Variants in KCNH7 observed in about 807,000 individuals in gnomAD.
The protein encoded by KCNH7 is potassium voltage-gated channel subfamily H member 7.
Under a neutral mutation model 120.8 loss-of-function variants are expected in KCNH7, and 49 were observed. The ratio of observed to expected loss-of-function variants is 0.41; its 90% CI spans 0.32 to 0.51. The LOEUF is 0.51. Among genes scored for constraint, KCNH7 ranks in the 20% least tolerant of loss-of-function variants. The pLI is 0.38. For synonymous variants in KCNH7, 547 were observed against 516.1 expected, an observed-to-expected ratio of 1.06 and a Z score of -0.81; for missense variants, 1,097 against 1,446.6, an observed-to-expected ratio of 0.76 and a Z score of 3.92.
intron 6 of KCNH7, among the ~76,000 whole-genome samples, chr2:162,481,100 A>T (rs1343186755): frequency 6.6e-6 from 1 of 152,018 alleles, no homozygotes; most frequent in African/African-American, 2.4e-5. Context: ...CTGCTCACAG[A>T]TTGCCCCATT....
intron 2 of KCNH7, among the ~76,000 whole-genome samples, chr2:162,711,550 A>C (rs1686930080): frequency 6.6e-6 from 1 of 152,226 alleles, no homozygotes; most frequent in South Asian, 2.1e-4. Context: ...AAGGAAATTT[A>C]GTTCTTATTT....
intron 4 of KCNH7, among the ~76,000 whole-genome samples, chr2:162,515,618 A>C (rs1356728504): frequency 6.6e-6 from 1 of 151,788 alleles, no homozygotes; most frequent in Non-Finnish European, 1.5e-5. Flanking sequence ...TATGCTGGTC[A>C]TTTGAATTAC....
At chr2:162,651,774 G>T (rs569595904) in intron 2 of KCNH7, among the ~76,000 whole-genome samples, 193 of 152,212 alleles carry the variant, frequency 1.3e-3, no homozygotes, top group Non-Finnish European at 3.5e-4. Flanking sequence ...TTGAGGAATT[G>T]TCATACTGCT....
Position 162,777,528 on chromosome 2 carries a change from A to G in KCNH7, c.307+59009T>C, listed in dbSNP as rs566234633. 1.2e-4 allele frequency among the ~76,000 whole-genome samples: 19 copies of G among 152,264 alleles called. 1 individual carries two copies. In the South Asian group the frequency reaches 3.9e-3, roughly 32 times the overall value. On this transcript the variant is annotated intron_variant, in intron 2 of 15. Coordinates refer to ENST00000332142, the MANE Select transcript of KCNH7 (RefSeq NM_033272.4). ...CTACTTATGGTAGTAAAAGTGTAAGAGTAAATATTGAAGTTGAGGAGACGA... is the reference window on the plus strand; with the variant it reads ...CTACTTATGGTAGTAAAAGTGTAAGGGTAAATATTGAAGTTGAGGAGACGA...
intron 2 of KCNH7, among the ~76,000 whole-genome samples, chr2:162,728,931 T>C (rs2105387515): frequency 6.6e-6 from 1 of 152,310 alleles, no homozygotes; most frequent in East Asian, 1.9e-4. Flanking sequence ...TAGTTTTACC[T>C]GTCATACTTA....
Position 162,427,148 on chromosome 2 carries a change from A to G in KCNH7, c.1955-3613T>C, listed in dbSNP as rs367967533. On this transcript the variant is annotated intron_variant, in intron 8 of 15. Transcript: ENST00000332142. ...TGTTGATGGAAACCTTGCTGTTTCTAGTTTTTGGCTATTATGAATAAAACT... is the reference window on the plus strand; with the variant it reads ...TGTTGATGGAAACCTTGCTGTTTCTGGTTTTTGGCTATTATGAATAAAACT... Among the ~76,000 whole-genome samples the G allele has an allele frequency of 7.2e-5, 11 of 151,954 alleles. No individual in the cohort carries two copies. The South Asian group carries it at 1.9e-3, about 26-fold the overall frequency.
intron 2 of KCNH7, among the ~76,000 whole-genome samples, chr2:162,742,050 G>C (rs1688156422): frequency 6.6e-6 from 1 of 152,178 alleles, no homozygotes; most frequent in African/African-American, 2.4e-5. Context: ...TTTAAGAGCA[G>C]GAGATGATTT....
intron 2 of KCNH7, among the ~76,000 whole-genome samples, chr2:162,753,132 A>G (rs1162151354): frequency 6.6e-6 from 1 of 151,630 alleles, no homozygotes; most frequent in Non-Finnish European, 1.5e-5. Flanking sequence ...AAATTTTAAA[A>G]TTGCTTATAA....
At chr2:162,695,224 C>T (rs563940317) in intron 2 of KCNH7, among the ~76,000 whole-genome samples, 8 of 152,222 alleles carry the variant, frequency 5.3e-5, no homozygotes, top group African/African-American at 1.9e-4. Context: ...GGAAACGTAT[C>T]GGTTGGGTTA....
chr2:162,528,099 C>T (rs928791698), intron 3 of KCNH7: 5 of 151,754 alleles, frequency 3.3e-5, no homozygotes, highest in African/African-American at 1.2e-4. Context: ...TGAGTAATGC[C>T]CATTCAGTAG....
At chr2:162,590,285 G>A (rs564532317) in intron 2 of KCNH7, among the ~76,000 whole-genome samples, 13 of 152,162 alleles carry the variant, frequency 8.5e-5, no homozygotes, top group Admixed American at 5.2e-4. Context: ...GCATTTATCC[G>A]AGTGCATCTG....
intron 9 of KCNH7, among the ~76,000 whole-genome samples, chr2:162,415,005 A>G (rs1687498240): frequency 6.6e-6 from 1 of 152,058 alleles, no homozygotes; most frequent in South Asian, 2.1e-4. Context: ...TGACCTAACA[A>G]TGCCATATGC....
At chr2:162,794,607 T>A (rs1172726447) in intron 2 of KCNH7, among the ~76,000 whole-genome samples, 2 of 152,058 alleles carry the variant, frequency 1.3e-5, no homozygotes, top group African/African-American at 4.8e-5. Flanking sequence ...CTTATACATG[T>A]TCTTAAAGAC....
chr2:162,657,091 C>G (rs1684789620), intron 2 of KCNH7, among the ~76,000 whole-genome samples: 1 of 152,182 alleles, frequency 6.6e-6, no homozygotes, highest in Non-Finnish European at 1.5e-5. Flanking sequence ...ACAGCCTCCT[C>G]CACTATCCAC....
intron 10 of KCNH7, among the ~76,000 whole-genome samples, chr2:162,397,642 A>G (rs978841041): frequency 3.3e-5 from 5 of 151,804 alleles, no homozygotes; most frequent in African/African-American, 9.7e-5. Context: ...GTAGCCACAT[A>G]CTACCTGCTT....
At chr2:162,470,952 C>A (rs1689503203) in intron 6 of KCNH7, among the ~76,000 whole-genome samples, 1 of 152,188 alleles carries the variant, frequency 6.6e-6, no homozygotes, top group Non-Finnish European at 1.5e-5. Context: ...TTACCCCCAA[C>A]CCTGTGCCCT....
intron 2 of KCNH7, among the ~76,000 whole-genome samples, chr2:162,676,906 A>G (rs1685546972): frequency 6.6e-6 from 1 of 151,408 alleles, no homozygotes; most frequent in Non-Finnish European, 1.5e-5. Context: ...TGAGTTTACA[A>G]GGATATCATT....
At chr2:162,439,631 G>A (rs1002443345) in intron 7 of KCNH7, among the ~76,000 whole-genome samples, 1 of 151,846 alleles carries the variant, frequency 6.6e-6, no homozygotes, top group African/African-American at 2.4e-5. Flanking sequence ...CAATATTATT[G>A]TTTTTAATCT....
At chr2:162,708,523 G>C (rs1424141620) in intron 2 of KCNH7, among the ~76,000 whole-genome samples, 7 of 152,042 alleles carry the variant, frequency 4.6e-5, no homozygotes, top group African/African-American at 1.7e-4. Flanking sequence ...GAGGGAGAGA[G>C]ATAGGTGAGA....
Sources: allele counts gnomAD v4.1 joint callset (sites outside exome capture counted in the v4.1 genomes callset), GRCh38; gene constraint gnomAD v4.1.1; transcripts MANE v1.5; gene names NCBI Gene and HGNC (gene_info 2026-07-23, HGNC 2026-07-21).